The following HERC1 variants were observed in gnomAD, a reference collection of about 807,000 sequenced individuals.
The protein encoded by HERC1 is probable E3 ubiquitin-protein ligase HERC1.
A neutral mutation model predicts 554.3 loss-of-function variants in HERC1; 160 were observed. The observed-to-expected ratio is 0.29, with a 90% CI of 0.25 to 0.33. The LOEUF is 0.33. Ranked by LOEUF, HERC1 falls within the 10% of genes least tolerant of loss-of-function variation. HERC1 has a pLI of 1.00. For synonymous variants in HERC1, 2,175 were observed against 2,131.7 expected, an observed-to-expected ratio of 1.02 and a Z score of -0.56; for missense variants, 4,919 against 5,918.5, an observed-to-expected ratio of 0.83 and a Z score of 5.54.
intron 16 of HERC1, among the ~76,000 whole-genome samples, chr15:63,728,052 C>T (rs1280381865): frequency 1.3e-5 from 2 of 152,088 alleles, no homozygotes; most frequent in East Asian, 1.9e-4. Context: ...ATGTATTCTC[C>T]GTACCAACAA....
In HERC1 at chr15:63,732,808, G is replaced by C. The variant is rs148459081; in HGVS notation, c.2868+116C>G. On this transcript the variant is annotated intron_variant, in intron 14 of 77. Transcript: ENST00000443617. Reference sequence around the variant, plus strand: ...AAACCCTGACATGTTTTTCCCCTTGGGGGAGAGGGGTCTAGAGTTTGATTT... The same window carrying C: ...AAACCCTGACATGTTTTTCCCCTTGCGGGAGAGGGGTCTAGAGTTTGATTT... 2.4e-3 allele frequency: 1,603 copies of C among 667,714 alleles called. 23 individuals are homozygous for C. In the African/African-American group the frequency reaches 0.026, roughly 11 times the overall value. The allele number at this position is 667,714 out of a possible 1,614,324, so 41.4% of individuals were successfully genotyped here. A position where few individuals can be genotyped will look rare whatever the true frequency, so the allele number is the denominator to read the frequency against.
intron 43 of HERC1, 83 bp downstream of exon 43, chr15:63,664,387 G>T: frequency 1.5e-6 from 2 of 1,306,816 alleles, no homozygotes; most frequent in South Asian, 1.4e-5. Context: ...AGTATCATTA[G>T]TTTGAATCTT....
rs1483017909 is a variant in HERC1 at position 63,692,376 on chromosome 15, A to G, written c.5830+35T>C. The G allele has an allele frequency of 6.6e-7, 1 of 1,520,286 alleles. No homozygotes were observed. Among genetic ancestry groups the G allele is most frequent in the African/African-American group, 1.4e-5 (1 of 71,572 alleles). The allele number at this position is 1,520,286 out of a possible 1,614,324, so 94.2% of individuals were successfully genotyped here. On this transcript the variant is annotated intron_variant, in intron 31 of 77. Transcript: ENST00000443617. This position sits in a 1 kb window ranked among gnomAD's most constrained non-coding sequence, Gnocchi z 4.7. ...TCTTAATAAAATGCAAGTAATATCT[A>G]TAAATACTCTAAGACAAAGGCAAAG... is the stretch of plus-strand genomic sequence containing the variant.
chr15:63,671,630 C>T (rs2070929929), intron 39 of HERC1, among the ~76,000 whole-genome samples: 1 of 152,104 alleles, frequency 6.6e-6, no homozygotes, highest in African/African-American at 2.4e-5. Flanking sequence ...ATGGGCCCCA[C>T]CAGACCTACT....
In HERC1 at chr15:63,761,551, C is replaced by T. The variant is rs139294423; in HGVS notation, c.1026+2545G>A. 7.2e-3 allele frequency among the ~76,000 whole-genome samples: 1,064 copies of T among 146,810 alleles called. 14 individuals carry two copies. Among genetic ancestry groups the T allele is most frequent in the African/African-American group, 0.026 (1,024 of 39,396 alleles). The stretch of plus-strand genomic sequence containing the variant: ...GCAGGGCACTATGATCACAGCACTG[C>T]ACACTCTAGCCTGGGCAACAGAGCA... On this transcript the variant is annotated intron_variant, in intron 3 of 77. Transcript: ENST00000443617.
rs1372724824 is a variant in HERC1 at position 63,640,238 on chromosome 15, C to A, written c.11815G>T (p.Ala3939Ser). 6.2e-7 allele frequency: 1 copy of A among 1,613,904 alleles called. No individual in the cohort carries two copies. The highest frequency in any genetic ancestry group is 1.1e-5 in the South Asian group (1 of 91,084). The part of the protein sequence containing the change: ...CFSTTIKAAE[A>S]LTNGAQFPES... The stretch of plus-strand genomic sequence containing the variant: ...GGAAACTGGGCTCCATTGGTCAGGG[C>A]TTCGGCAGCTTTTATAGTGGTTGAG... Residue 3939 changes from alanine to serine, a missense_variant, in exon 61 of 78, where the codon GCC becomes TCC. Ala to Ser is a moderately conservative substitution (Grantham distance 99). Coordinates refer to ENST00000443617, the MANE Select transcript of HERC1 (RefSeq NM_003922.4).
At position 63,637,167 on chromosome 15, in the gene HERC1, G is replaced by A. The variant is rs1193067326; in HGVS notation, c.12232+338C>T. On this transcript the variant is annotated intron_variant, in intron 64 of 77. Coordinates refer to ENST00000443617, the MANE Select transcript of HERC1 (RefSeq NM_003922.4). ...ACATTTGCAGATTTCCATATAAACT[G>A]ATTTTTAATTTTAATGAAATACATG... The A allele has an allele frequency of 6.4e-6, 3 of 465,462 alleles. No individual in the cohort carries two copies. In the East Asian group the frequency reaches 2.0e-4, roughly 31 times the overall value. 28.8% of individuals were successfully genotyped at this position (465,462 alleles called of 1,614,324 possible).
In HERC1 at chr15:63,640,055, C is replaced by T. The variant is rs974108404; in HGVS notation, c.11901+97G>A. Reference sequence around the variant, plus strand: ...TTTCTCTTAAGGGTATCCTTCTAGCCATGCATACCAGCAAAGACTTATTAG... The same window carrying T: ...TTTCTCTTAAGGGTATCCTTCTAGCTATGCATACCAGCAAAGACTTATTAG... On this transcript the variant is annotated intron_variant, in intron 61 of 77. Coordinates refer to ENST00000443617, the MANE Select transcript of HERC1 (RefSeq NM_003922.4). 15 of 1,150,046 alleles carry T rather than the reference C, an allele frequency of 1.3e-5. No individual in the cohort carries two copies. The African/African-American group carries it at 2.3e-4, about 18-fold the overall frequency. The allele number at this position is 1,150,046 out of a possible 1,614,324, so 71.2% of individuals were successfully genotyped here.
chr15:63,784,182 A>G (rs1029625249), intron 1 of HERC1, among the ~76,000 whole-genome samples: 3 of 152,194 alleles, frequency 2.0e-5, no homozygotes, highest in African/African-American at 7.2e-5. Context: ...ATCTAATCTA[A>G]AATATTATCC....
intron 75 of HERC1, 29 bp from the exon 76 acceptor site, chr15:63,615,949 T>C: frequency 6.5e-7 from 1 of 1,544,062 alleles, no homozygotes; most frequent in South Asian, 1.3e-5. Context: ...AGAATTTTTA[T>C]TACATGGTAG....
chr15:63,662,423 A>T (rs536619784), intron 44 of HERC1, among the ~76,000 whole-genome samples: 1 of 152,336 alleles, frequency 6.6e-6, no homozygotes, highest in South Asian at 2.1e-4. Context: ...TTATTTATAT[A>T]GCAGATTCTC....
At chr15:63,668,924 C>G (rs998460681) in intron 40 of HERC1, among the ~76,000 whole-genome samples, 4 of 152,128 alleles carry the variant, frequency 2.6e-5, no homozygotes, top group African/African-American at 9.7e-5. Context: ...CAATTTGAGC[C>G]TGCTAAACAA....
rs199683306 is a variant in HERC1, at chr15:63,633,855, G to A, written c.12686C>T (p.Ser4229Leu). The change falls in exon 67 of 78, where the codon TCA (serine) becomes TTA (leucine). Residue 4229 changes from serine (S) to leucine (L), a missense_variant. By Grantham distance (145) the Ser-to-Leu change is moderately radical. Coordinates refer to ENST00000443617, the MANE Select transcript of HERC1 (RefSeq NM_003922.4). ...LGLGNSTAKS[S>L]PQKIDVLCGI... Reference sequence around the variant, plus strand: ...ACTCAAGGCAGTACTGACCTGAGGTGAAGATTTTGCAGTGGAATTTCCTAA... The same window carrying A: ...ACTCAAGGCAGTACTGACCTGAGGTAAAGATTTTGCAGTGGAATTTCCTAA... The A allele has an allele frequency of 2.5e-4, 401 of 1,612,988 alleles. No individual in the cohort carries two copies. The highest frequency in any genetic ancestry group is 3.0e-4 in the Non-Finnish European group (349 of 1,179,404).
rs1238561683 is a variant in HERC1 at position 63,694,681 on chromosome 15, A to C, written c.5242+93T>G. On this transcript the variant is annotated intron_variant, in intron 28 of 77. Coordinates refer to ENST00000443617, the MANE Select transcript of HERC1 (RefSeq NM_003922.4). This position sits in a 1 kb window ranked among gnomAD's most constrained non-coding sequence, Gnocchi z 4.3. ...TTCTTTACCTATAAGTTTATCTACT[A>C]ATGTTAAACACAAAATATAGAACAT... 1.3e-6 allele frequency: 2 copies of C among 1,525,638 alleles called. No individual in the cohort carries two copies. Among genetic ancestry groups the C allele is most frequent in the Non-Finnish European group, 1.8e-6 (2 of 1,100,350 alleles). The allele number at this position is 1,525,638 out of a possible 1,614,324, so 94.5% of individuals were successfully genotyped here.
chr15:63,637,452 A>C (rs1053655259), intron 64 of HERC1, 53 bp downstream of exon 64: 3 of 1,492,312 alleles, frequency 2.0e-6, no homozygotes, highest in Admixed American at 2.0e-5. Context: ...TGTACGACCA[A>C]ACCTACATTA....
chr15:63,811,096 A>C (rs992944841), intron 1 of HERC1, among the ~76,000 whole-genome samples: 1 of 152,200 alleles, frequency 6.6e-6, no homozygotes, highest in African/African-American at 2.4e-5. Flanking sequence ...TATGAATGTG[A>C]TTGGATCCTG....
At chr15:63,618,857 C>T (rs1176178937) in intron 74 of HERC1, among the ~76,000 whole-genome samples, 1 of 152,188 alleles carries the variant, frequency 6.6e-6, no homozygotes, top group Non-Finnish European at 1.5e-5. Context: ...TATCCTGATA[C>T]TTTGCTGAAG....
chr15:63,610,292 C>G (rs1486275448), intron 77 of HERC1, among the ~76,000 whole-genome samples: 3 of 152,226 alleles, frequency 2.0e-5, no homozygotes, highest in East Asian at 3.9e-4. Context: ...CAGCTCAACG[C>G]AGAAAAACTG....
At position 63,787,960 on chromosome 15, in the gene HERC1, C is replaced by CAAAA. The variant is rs375499946; in HGVS notation, c.-26-12315_-26-12312dup. On this transcript the variant is annotated intron_variant, in intron 1 of 77. Coordinates refer to ENST00000443617, the MANE Select transcript of HERC1 (RefSeq NM_003922.4). The stretch of plus-strand genomic sequence containing the variant: ...TTGGCGACAGGGTGAGACCCTGTCT[C>CAAAA]AAAAAAAAAAAAAAAAAAAAAAGAC... Among the ~76,000 whole-genome samples the CAAAA allele has an allele frequency of 1.8e-4, 8 of 45,628 alleles. No individual in the cohort carries two copies. In the East Asian group the frequency reaches 2.0e-3, roughly 11 times the overall value. 29.9% of individuals were successfully genotyped at this position (45,628 alleles called of 152,430 possible). A position where few individuals can be genotyped will look rare whatever the true frequency, so the allele number is the denominator to read the frequency against.
Sources: gnomAD v4.1 joint callset for allele counts (sites outside exome capture counted in the v4.1 genomes callset) on GRCh38, gnomAD v4.1.1 for gene constraint, Gnocchi (gnomAD v3.1) non-coding constraint, MANE v1.5 for transcripts, NCBI Gene and HGNC (gene_info 2026-07-23, HGNC 2026-07-21) for gene names.